The following LARP1B variants were observed in gnomAD, a reference collection of about 807,000 sequenced individuals.
The protein encoded by LARP1B is la-related protein 1B.
Under a neutral mutation model 114.2 loss-of-function variants are expected in LARP1B, and 76 were observed. That is an observed-to-expected ratio of 0.67 (90% CI 0.55 to 0.81). LARP1B has a LOEUF of 0.81. Among genes scored for constraint, LARP1B ranks in the 30% least tolerant of loss-of-function variants. The probability of loss-of-function intolerance (pLI) is 0.00; values close to 1 mark genes in which losing one functional copy is unlikely to be tolerated. For missense variants in LARP1B, 1,014 were observed against 1,075.8 expected (o/e 0.94, Z 0.80); for synonymous variants, 345 against 348.0 (o/e 0.99, Z 0.10).
chr4:128,146,041 T>C lies in LARP1B; in HGVS notation c.1525-16153T>C, dbSNP rs140482895. 2.2e-3 allele frequency among the ~76,000 whole-genome samples: 334 copies of C among 152,336 alleles called. 1 individual carries two copies. The highest frequency in any genetic ancestry group is 7.4e-3 in the African/African-American group (307 of 41,570). Reference sequence around the variant, plus strand: ...CTTTAGTATTACTTATTAAAGTTGATTGTTTATGTATCCTAAGAAGCATCA... The same window carrying C: ...CTTTAGTATTACTTATTAAAGTTGACTGTTTATGTATCCTAAGAAGCATCA... On this transcript the variant is annotated intron_variant, in intron 11 of 19. Coordinates refer to ENST00000326639, the MANE Select transcript of LARP1B (RefSeq NM_018078.4).
intron 17 of LARP1B, among the ~76,000 whole-genome samples, chr4:128,201,576 C>T (rs777531300): frequency 1.8e-4 from 28 of 152,218 alleles, no homozygotes; most frequent in Non-Finnish European, 3.7e-4. Context: ...TTCAAATGAA[C>T]CAAGCTCTCT....
chr4:128,075,008 A>T lies in LARP1B; in HGVS notation c.42+15A>T, dbSNP rs774373088. 6.4e-7 allele frequency: 1 copy of T among 1,571,188 alleles called. No homozygotes were observed. Among genetic ancestry groups the T allele is most frequent in the Non-Finnish European group, 8.7e-7 (1 of 1,149,222 alleles). On this transcript the variant is annotated intron_variant, in intron 3 of 19. Transcript: ENST00000326639. Reference sequence around the variant, plus strand: ...TGAACACTGGAGTGAGTATTGTTTTAAAGTTTTTTTTTTTAAAGAAAGGAA... The same window carrying T: ...TGAACACTGGAGTGAGTATTGTTTTTAAGTTTTTTTTTTTAAAGAAAGGAA...
chr4:128,062,811 G>A (rs1205681077), intron 1 of LARP1B, among the ~76,000 whole-genome samples: 4 of 151,666 alleles, frequency 2.6e-5, no homozygotes, highest in Non-Finnish European at 4.4e-5. Flanking sequence ...TATACCTAAT[G>A]TTAAATGACG....
chr4:128,113,531 C>T (rs1784814329), intron 9 of LARP1B, among the ~76,000 whole-genome samples: 1 of 151,202 alleles, frequency 6.6e-6, no homozygotes, highest in Non-Finnish European at 1.5e-5. Flanking sequence ...TTAGTAGACA[C>T]GGAGTTTCAC....
At chr4:128,132,718 C>A (rs1287022825) in intron 11 of LARP1B, among the ~76,000 whole-genome samples, 1 of 151,858 alleles carries the variant, frequency 6.6e-6, no homozygotes, top group Non-Finnish European at 1.5e-5. Flanking sequence ...TTTTTGATAC[C>A]AGAGACTAAT....
Position 128,207,397 on chromosome 4 carries a change from C to A in LARP1B, c.2547+14C>A, listed in dbSNP as rs1350562849. The A allele has an allele frequency of 2.1e-6, 3 of 1,455,104 alleles. No homozygotes were observed. In the South Asian group the frequency reaches 4.7e-5, roughly 23 times the overall value. The allele number at this position is 1,455,104 out of a possible 1,614,324, so 90.1% of individuals were successfully genotyped here. Reference sequence around the variant, plus strand: ...TTCCGTGTTGATGTAAGTTTTAAGTCATTTCCTCTATTCTTTTTATTATCC... The same window carrying A: ...TTCCGTGTTGATGTAAGTTTTAAGTAATTTCCTCTATTCTTTTTATTATCC... On this transcript the variant is annotated intron_variant, in intron 19 of 19. Transcript: ENST00000326639.
At chr4:128,162,151 C>T in intron 11 of LARP1B, 43 bp from the exon 12 acceptor site, 1 of 1,596,272 alleles carries the variant, frequency 6.3e-7, no homozygotes, top group Non-Finnish European at 8.6e-7. Context: ...GTTGGTTACT[C>T]TGTTAGCCAG....
intron 11 of LARP1B, among the ~76,000 whole-genome samples, chr4:128,161,944 ATTAGTATGTGTGGTC>A (rs1205886766): frequency 4.6e-5 from 7 of 152,160 alleles, no homozygotes; most frequent in Non-Finnish European, 2.9e-5. Context: ...ATAATTAATG[ATTAGTATGTGTGGTC>A]TTATAATGTT....
intron 8 of LARP1B, among the ~76,000 whole-genome samples, chr4:128,099,715 T>TATAC (rs528100515): frequency 1.1e-4 from 17 of 151,314 alleles, no homozygotes; most frequent in African/African-American, 2.7e-4. Context: ...GATATATATA[T>TATAC]ACACACACAC....
At chr4:128,159,122 G>C (rs962137833) in intron 11 of LARP1B, among the ~76,000 whole-genome samples, 1 of 151,080 alleles carries the variant, frequency 6.6e-6, no homozygotes, top group Non-Finnish European at 1.5e-5. Flanking sequence ...ACAGAGAGCT[G>C]TGGTCGTACC....
At chr4:128,086,169 A>G (rs1287813653) in intron 5 of LARP1B, among the ~76,000 whole-genome samples, 1 of 150,966 alleles carries the variant, frequency 6.6e-6, no homozygotes, top group Non-Finnish European at 1.5e-5. Context: ...ACGCCCGGCT[A>G]TTTTTTTTGT....
At chr4:128,086,052 C>T (rs34138183) in intron 5 of LARP1B, among the ~76,000 whole-genome samples, 47,868 of 136,756 alleles carry the variant, frequency 0.35, 9,292 homozygotes, top group Middle Eastern at 0.48. Context: ...CTCGCTCTGT[C>T]GCCCAGGCTG....
At chr4:128,075,773 C>T (rs947555469) in intron 3 of LARP1B, among the ~76,000 whole-genome samples, 21 of 151,980 alleles carry the variant, frequency 1.4e-4, no homozygotes, top group African/African-American at 5.1e-4. Flanking sequence ...TATCAAACTC[C>T]TGAGCTCAAG....
chr4:128,178,035 GATATATAT>G (rs35878913), intron 13 of LARP1B, among the ~76,000 whole-genome samples: 8 of 137,848 alleles, frequency 5.8e-5, no homozygotes, highest in South Asian at 2.3e-4. Context: ...TTTACAAAGT[GATATATAT>G]ATATATATAT....
chr4:128,083,394 T>G (rs1282083091), intron 5 of LARP1B, among the ~76,000 whole-genome samples: 1 of 149,580 alleles, frequency 6.7e-6, no homozygotes, highest in African/African-American at 2.5e-5. Context: ...TAGGGGCGGC[T>G]GGGCAGAGGC....
chr4:128,106,719 T>C (rs573656340), intron 8 of LARP1B, among the ~76,000 whole-genome samples: 2 of 152,150 alleles, frequency 1.3e-5, no homozygotes, highest in Admixed American at 6.6e-5. Context: ...TTATGAGGTA[T>C]TGTGAGGAAT....
intron 7 of LARP1B, 53 bp from the exon 8 acceptor site, chr4:128,098,133 A>C (rs72681889): frequency 7.6e-4 from 1,067 of 1,401,868 alleles, no homozygotes; most frequent in Non-Finnish European, 9.0e-4. Flanking sequence ...GGAGCAATAG[A>C]AATATTTATT....
chr4:128,156,170 A>T, intron 11 of LARP1B: 1 of 1,609,568 alleles, frequency 6.2e-7, no homozygotes, highest in South Asian at 1.1e-5. Context: ...CCATCCTCTG[A>T]CCCCCTTGGC....
intron 15 of LARP1B, among the ~76,000 whole-genome samples, chr4:128,186,315 C>T (rs1750333890): frequency 6.6e-6 from 1 of 152,030 alleles, no homozygotes; most frequent in South Asian, 2.1e-4. Context: ...CTATCATTCC[C>T]TTTCTTTCGT....
Sources: gnomAD v4.1 joint callset for allele counts (sites outside exome capture counted in the v4.1 genomes callset) on GRCh38, gnomAD v4.1.1 for gene constraint, MANE v1.5 for transcripts, NCBI Gene and HGNC (gene_info 2026-07-23, HGNC 2026-07-21) for gene names.